The following ZDHHC2 variants were observed in gnomAD, a reference collection of about 807,000 sequenced individuals.
ZDHHC2 encodes palmitoyltransferase ZDHHC2.
A neutral mutation model predicts 55.6 loss-of-function variants in ZDHHC2; 51 were observed. That is an observed-to-expected ratio of 0.92 (90% confidence interval 0.73 to 1.16). The LOEUF is 1.16. Ranked by LOEUF, ZDHHC2 falls within the 50% of genes most tolerant of loss-of-function variation. The pLI, the probability that ZDHHC2 is intolerant of heterozygous loss-of-function variation, is 0.00. For missense variants in ZDHHC2, 491 were observed against 442.4 expected (o/e 1.11, Z -0.99); for synonymous variants, 199 against 152.9 (o/e 1.30, Z -2.22).
At position 17,197,595 on chromosome 8, in the gene ZDHHC2, T is replaced by A; in HGVS notation, c.387T>A (p.Cys129Ter). Reference protein sequence around the residue: ...TRTMSGAIRYCDRCQLIKPDR... With the variant: ...TRTMSGAIRY ...TTTTGTCCCTAGCCATCCGATACTG[T>A]GACAGATGCCAACTTATAAAACCAG... The change falls in exon 5 of 13, where the codon TGT becomes TGA. Residue 129 changes from cysteine to a stop codon, truncating the protein, a stop_gained. Transcript: ENST00000262096. LOFTEE classifies it high-confidence loss of function. 1.2e-6 allele frequency: 2 copies of A among 1,613,788 alleles called. No homozygotes were observed. Among genetic ancestry groups the A allele is most frequent in the Non-Finnish European group, 1.7e-6 (2 of 1,179,726 alleles).
At chr8:17,201,407 T>C (rs1806755126) in intron 6 of ZDHHC2, among the ~76,000 whole-genome samples, 1 of 151,478 alleles carries the variant, frequency 6.6e-6, no homozygotes, top group Admixed American at 6.6e-5. Context: ...GTGAATGTAT[T>C]CATCTAATGG....
chr8:17,189,121 T>C (rs1805887863), intron 3 of ZDHHC2, among the ~76,000 whole-genome samples: 1 of 133,590 alleles, frequency 7.5e-6, no homozygotes, highest in Non-Finnish European at 1.6e-5. Flanking sequence ...TTTGGTGTTT[T>C]GTTATGTTTT....
In ZDHHC2 at chr8:17,156,548, C is replaced by A; in HGVS notation, c.-176C>A. The A allele has an allele frequency of 3.2e-6, 1 of 309,412 alleles. No homozygotes were observed. Among genetic ancestry groups the A allele is most frequent in the South Asian group, 1.2e-4 (1 of 8,296 alleles). The allele number at this position is 309,412 out of a possible 1,614,324, so 19.2% of individuals were successfully genotyped here. A position where few individuals can be genotyped will look rare whatever the true frequency, so the allele number is the denominator to read the frequency against. On this transcript the variant is annotated 5_prime_UTR_variant, in exon 1 of 13. Coordinates refer to ENST00000262096, the MANE Select transcript of ZDHHC2 (RefSeq NM_016353.5). ...CCGGGCTGAGGAGCCGGGAGTCCGC[C>A]GCGCCGGCTCGGGGCTGCGGGATGG... is the stretch of plus-strand genomic sequence containing the variant.
chr8:17,161,847 C>T (rs996629639), intron 1 of ZDHHC2, among the ~76,000 whole-genome samples: 9 of 151,956 alleles, frequency 5.9e-5, no homozygotes, highest in East Asian at 1.9e-4. Context: ...GGTGACAGAG[C>T]GAGACCCTGT....
intron 1 of ZDHHC2, among the ~76,000 whole-genome samples, chr8:17,181,711 G>T (rs1192576904): frequency 6.6e-6 from 1 of 152,050 alleles, no homozygotes; most frequent in Non-Finnish European, 1.5e-5. Context: ...ATTTTTAGAA[G>T]ACCTGTCCCA....
chr8:17,205,135 T>A (rs905824530), intron 6 of ZDHHC2, among the ~76,000 whole-genome samples: 1 of 152,236 alleles, frequency 6.6e-6, no homozygotes, highest in Non-Finnish European at 1.5e-5. Context: ...CCCAGCTGTC[T>A]AACTGCCAGG....
intron 1 of ZDHHC2, among the ~76,000 whole-genome samples, chr8:17,163,871 G>T (rs1468805312): frequency 6.6e-6 from 1 of 152,162 alleles, no homozygotes; most frequent in African/African-American, 2.4e-5. Context: ...ATACTACAGA[G>T]AATTTATAAT....
chr8:17,163,912 A>G (rs1804478191), intron 1 of ZDHHC2, among the ~76,000 whole-genome samples: 2 of 152,220 alleles, frequency 1.3e-5, no homozygotes, highest in South Asian at 4.1e-4. Context: ...TGAGGTTTTT[A>G]ATAGTCCATT....
At chr8:17,168,567 C>T (rs1051595325) in intron 1 of ZDHHC2, among the ~76,000 whole-genome samples, 2 of 152,056 alleles carry the variant, frequency 1.3e-5, no homozygotes, top group Non-Finnish European at 2.9e-5. Flanking sequence ...ATTCAAAATG[C>T]TGTGCGATCA....
At chr8:17,209,810 C>T in intron 8 of ZDHHC2, 122 bp from the exon 9 acceptor site, 1 of 1,200,642 alleles carries the variant, frequency 8.3e-7, no homozygotes, top group South Asian at 1.8e-5. Context: ...CACATAAGCC[C>T]TCACAGTCAG....
At chr8:17,188,449 A>T (rs1187087641) in intron 3 of ZDHHC2, among the ~76,000 whole-genome samples, 1 of 152,182 alleles carries the variant, frequency 6.6e-6, no homozygotes, top group East Asian at 1.9e-4. Flanking sequence ...TTTCCTGTAT[A>T]CAACATGGCA....
rs921533629 is a variant in ZDHHC2, at chr8:17,221,858, C to A, written c.*1637C>A. The stretch of plus-strand genomic sequence containing the variant: ...TAACATTTTAACTTTCATTTTAGAG[C>A]ACGTTTTGGTCATTTTTAAAAATAC... On this transcript the variant is annotated 3_prime_UTR_variant, in exon 13 of 13. Coordinates refer to ENST00000262096, the MANE Select transcript of ZDHHC2 (RefSeq NM_016353.5). 6.6e-6 allele frequency: 1 copy of A among 152,122 alleles called. No homozygotes were observed. The highest frequency in any genetic ancestry group is 1.5e-5 in the Non-Finnish European group (1 of 67,862). The allele number at this position is 152,122 out of a possible 1,614,324, so 9.4% of individuals were successfully genotyped here.
In ZDHHC2 at chr8:17,222,441, CTCGAACTT is replaced by C. The variant is rs1807963672; in HGVS notation, c.*2221_*2228del. On this transcript the variant is annotated 3_prime_UTR_variant, in exon 13 of 13. Transcript: ENST00000262096. ...TACTTTAAAAAATTTAATGGCTTAA[CTCGAACTT>C]GAAGACACATACTTCAACTGTCCTT... 6.6e-6 allele frequency: 1 copy of C among 151,728 alleles called. No individual in the cohort carries two copies. Among genetic ancestry groups the C allele is most frequent in the African/African-American group, 2.4e-5 (1 of 41,378 alleles). 9.4% of individuals were successfully genotyped at this position (151,728 alleles called of 1,614,324 possible).
chr8:17,183,921 C>T (rs1338158603), intron 1 of ZDHHC2, among the ~76,000 whole-genome samples: 1 of 152,102 alleles, frequency 6.6e-6, no homozygotes, highest in East Asian at 1.9e-4. Context: ...AAATTTCTCA[C>T]ACTACCCTCT....
chr8:17,168,964 T>C (rs1322518156), intron 1 of ZDHHC2, among the ~76,000 whole-genome samples: 1 of 152,216 alleles, frequency 6.6e-6, no homozygotes, highest in Non-Finnish European at 1.5e-5. Context: ...CCTTTTTGGC[T>C]ATTCTGAATA....
intron 6 of ZDHHC2, among the ~76,000 whole-genome samples, chr8:17,203,285 C>T (rs190259674): frequency 2.6e-4 from 39 of 152,056 alleles, no homozygotes; most frequent in African/African-American, 8.7e-4. Flanking sequence ...TTGCTCTTGT[C>T]GCCCAGGCTG....
Position 17,161,775 on chromosome 8 carries a change from G to T in ZDHHC2, c.130+4922G>T, listed in dbSNP as rs577307090. Among the ~76,000 whole-genome samples the T allele has an allele frequency of 2.7e-3, 405 of 152,118 alleles. 18 individuals are homozygous for T. In the South Asian group the frequency reaches 0.079, roughly 30 times the overall value. ...TCGGGAGGCTAAGGCAGAAGAAATT[G>T]CCTGAACCGGGGAGGCAGAGGCTGC... is the stretch of plus-strand genomic sequence containing the variant. On this transcript the variant is annotated intron_variant, in intron 1 of 12. Transcript: ENST00000262096.
chr8:17,206,569 C>A (rs544047937), intron 7 of ZDHHC2, among the ~76,000 whole-genome samples: 79 of 152,132 alleles, frequency 5.2e-4, no homozygotes, highest in Non-Finnish European at 1.0e-3. Flanking sequence ...GAAGTATTTT[C>A]TTTATGTGTA....
intron 7 of ZDHHC2, among the ~76,000 whole-genome samples, chr8:17,207,548 T>C (rs987393665): frequency 6.6e-6 from 1 of 152,302 alleles, no homozygotes; most frequent in South Asian, 2.1e-4. Flanking sequence ...CCAGTTAGCC[T>C]TCATTTTCTG....
Sources: gnomAD v4.1 joint callset for allele counts (sites outside exome capture counted in the v4.1 genomes callset) on GRCh38, gnomAD v4.1.1 for gene constraint, MANE v1.5 for transcripts, NCBI Gene and HGNC (gene_info 2026-07-23, HGNC 2026-07-21) for gene names.